Variants in C1orf21 observed in about 807,000 individuals in gnomAD.
The protein encoded by C1orf21 is uncharacterized protein C1orf21.
Under a neutral mutation model 18.7 loss-of-function variants are expected in C1orf21, and 3 were observed. That is an observed-to-expected ratio of 0.16 (90% confidence interval 0.07 to 0.42). The LOEUF is 0.42. C1orf21 is among the 10% of genes least tolerant of loss of function. C1orf21 has a pLI of 0.99. For missense variants in C1orf21, 104 were observed against 143.6 expected, an observed-to-expected ratio of 0.72 and a Z score of 1.41; for synonymous variants, 41 against 46.4, an observed-to-expected ratio of 0.88 and a Z score of 0.47.
At chr1:184,441,876 C>G (rs1427376878) in intron 1 of C1orf21, among the ~76,000 whole-genome samples, 2 of 152,216 alleles carry the variant, frequency 1.3e-5, no homozygotes, top group East Asian at 3.9e-4. Flanking sequence ...TCCTGTTCAG[C>G]TGGTATTGAT....
In C1orf21 at chr1:184,401,488, A is replaced by T. The variant is rs188114500; in HGVS notation, c.-125+14120A>T. Reference sequence around the variant, plus strand: ...GTGATCCGCCTGCCTCAGTCTCCCAAAGTACTGGGATTACAGGTGTGAGCC... The same window carrying T: ...GTGATCCGCCTGCCTCAGTCTCCCATAGTACTGGGATTACAGGTGTGAGCC... On this transcript the variant is annotated intron_variant, in intron 1 of 5. Transcript: ENST00000235307. Among the ~76,000 whole-genome samples, 120 of 152,230 alleles carry T rather than the reference A, an allele frequency of 7.9e-4. 2 individuals are homozygous for T. The highest frequency in any genetic ancestry group is 2.7e-3 in the African/African-American group (114 of 41,540).
At chr1:184,451,474 T>A (rs59625853) in intron 1 of C1orf21, among the ~76,000 whole-genome samples, 21,856 of 147,002 alleles carry the variant, frequency 0.15, 1,720 homozygotes, top group Middle Eastern at 0.2. Flanking sequence ...TTTTTTTTTT[T>A]TTTTTTTTTT....
At chr1:184,529,452 T>C (rs1344804696) in intron 3 of C1orf21, among the ~76,000 whole-genome samples, 3 of 152,234 alleles carry the variant, frequency 2.0e-5, no homozygotes, top group Non-Finnish European at 2.9e-5. Flanking sequence ...ACTTCTTGGC[T>C]GTCAAGATAT....
intron 1 of C1orf21, among the ~76,000 whole-genome samples, chr1:184,428,785 G>A (rs554171926): frequency 6.6e-6 from 1 of 152,198 alleles, no homozygotes; most frequent in African/African-American, 2.4e-5. Context: ...GATAAAATGG[G>A]CCCAGACAGG....
chr1:184,507,749 A>AGTTAAAACATGCAG, intron 3 of C1orf21, 67 bp downstream of exon 3: 2 of 1,245,488 alleles, frequency 1.6e-6, no homozygotes, highest in Non-Finnish European at 2.2e-6. Flanking sequence ...TCTGCACTGC[A>AGTTAAAACATGCAG]TGTTTTAACT....
At chr1:184,604,978 C>G (rs560177986) in intron 5 of C1orf21, among the ~76,000 whole-genome samples, 5 of 152,182 alleles carry the variant, frequency 3.3e-5, no homozygotes, top group Non-Finnish European at 7.3e-5. Flanking sequence ...AAAACCACGC[C>G]ATTTCTGTGC....
intron 3 of C1orf21, among the ~76,000 whole-genome samples, chr1:184,552,121 T>C (rs1445059609): frequency 6.6e-6 from 1 of 152,156 alleles, no homozygotes; most frequent in African/African-American, 2.4e-5. Context: ...GGAATACTGT[T>C]GCAATACCAT....
chr1:184,519,832 C>T (rs1256555048), intron 3 of C1orf21, among the ~76,000 whole-genome samples: 1 of 152,132 alleles, frequency 6.6e-6, no homozygotes, highest in African/African-American at 2.4e-5. Flanking sequence ...TTCCTGTCGA[C>T]TTCATTTGTG....
At chr1:184,598,633 T>A (rs943930415) in intron 5 of C1orf21, among the ~76,000 whole-genome samples, 172 bp downstream of exon 5, 2 of 152,114 alleles carry the variant, frequency 1.3e-5, no homozygotes, top group Non-Finnish European at 2.9e-5. Flanking sequence ...TGTGAGAATG[T>A]TTAAGGTATA....
chr1:184,531,549 C>T (rs553567262), intron 3 of C1orf21, among the ~76,000 whole-genome samples: 4 of 152,264 alleles, frequency 2.6e-5, no homozygotes, highest in African/African-American at 9.6e-5. Flanking sequence ...ATAACTTTTT[C>T]ATGTGATGTC....
chr1:184,445,733 T>A (rs1657020237), intron 1 of C1orf21, among the ~76,000 whole-genome samples: 1 of 152,136 alleles, frequency 6.6e-6, no homozygotes, highest in African/African-American at 2.4e-5. Flanking sequence ...AGGAGGGCAT[T>A]AGTTAGCAGA....
chr1:184,590,104 G>A (rs1308932509), intron 3 of C1orf21, among the ~76,000 whole-genome samples: 1 of 152,158 alleles, frequency 6.6e-6, no homozygotes, highest in African/African-American at 2.4e-5. Flanking sequence ...TTGAGATCAT[G>A]TCCTTACTGA....
At chr1:184,578,849 G>A (rs530199249) in intron 3 of C1orf21, among the ~76,000 whole-genome samples, 6 of 152,052 alleles carry the variant, frequency 3.9e-5, no homozygotes, top group African/African-American at 7.2e-5. Context: ...GAGTAGGATT[G>A]TATAAAGGGA....
At chr1:184,555,593 C>T (rs1413400527) in intron 3 of C1orf21, among the ~76,000 whole-genome samples, 1 of 152,116 alleles carries the variant, frequency 6.6e-6, no homozygotes, top group Non-Finnish European at 1.5e-5. Flanking sequence ...ACACCTGTTA[C>T]CTTCTTTACC....
At chr1:184,537,495 T>A (rs1658575573) in intron 3 of C1orf21, among the ~76,000 whole-genome samples, 1 of 152,218 alleles carries the variant, frequency 6.6e-6, no homozygotes, top group South Asian at 2.1e-4. Context: ...TTTTTAAGGA[T>A]GAATAATATT....
intron 1 of C1orf21, among the ~76,000 whole-genome samples, chr1:184,471,383 A>G (rs926513393): frequency 3.9e-5 from 6 of 152,198 alleles, no homozygotes; most frequent in Non-Finnish European, 7.3e-5. Context: ...CAGACTTGCA[A>G]GTATGTCCTA....
At chr1:184,513,351 A>G (rs1451293401) in intron 3 of C1orf21, among the ~76,000 whole-genome samples, 1 of 152,260 alleles carries the variant, frequency 6.6e-6, no homozygotes, top group Non-Finnish European at 1.5e-5. Context: ...GGAAACTTTT[A>G]TGATAAATAA....
intron 3 of C1orf21, among the ~76,000 whole-genome samples, chr1:184,577,514 A>T (rs997832628): frequency 1.3e-5 from 2 of 152,146 alleles, no homozygotes; most frequent in Non-Finnish European, 2.9e-5. Flanking sequence ...GGGCACTGAC[A>T]GTTTTGGAAT....
intron 5 of C1orf21, 121 bp downstream of exon 5, chr1:184,598,582 A>T: frequency 1.0e-6 from 1 of 986,504 alleles, no homozygotes; most frequent in Non-Finnish European, 1.5e-6. Flanking sequence ...GTTTGGGTGG[A>T]GAGTTAAATA....
Sources: gnomAD v4.1 joint callset for allele counts (sites outside exome capture counted in the v4.1 genomes callset) on GRCh38, gnomAD v4.1.1 for gene constraint, MANE v1.5 for transcripts, NCBI Gene and HGNC (gene_info 2026-07-23, HGNC 2026-07-21) for gene names.